CCNK: variants seen among roughly 807,000 people sequenced by gnomAD.
CCNK encodes the protein cyclin K.
CCNK carries 9 observed loss-of-function variants against 65.0 expected under a neutral mutation model. That is an observed-to-expected ratio of 0.14 (90% CI 0.08 to 0.24). The LOEUF is 0.24. CCNK is among the 10% of genes least tolerant of loss of function. CCNK has a pLI of 1.00. For synonymous variants in CCNK, 279 were observed against 270.8 expected, an observed-to-expected ratio of 1.03 and a Z score of -0.30; for missense variants, 474 against 720.0, an observed-to-expected ratio of 0.66 and a Z score of 3.91.
chr14:99,503,258 T>C (rs1896885521), intron 8 of CCNK: 4 of 639,890 alleles, frequency 6.3e-6, no homozygotes, highest in Non-Finnish European at 1.1e-5. Context: ...TCGGTGTCGT[T>C]GCCGTGTCCT....
At chr14:99,481,763 C>G (rs1024359178) in intron 1 of CCNK, 1 of 354,874 alleles carries the variant, frequency 2.8e-6, no homozygotes. Context: ...GGGGAACTTT[C>G]TAGGGGTTGG....
intron 9 of CCNK, chr14:99,506,288 T>G (rs1034399286): frequency 6.6e-6 from 1 of 152,232 alleles, no homozygotes; most frequent in Non-Finnish European, 1.5e-5. Flanking sequence ...AGAAAGTACA[T>G]TTCAGGAAGA....
intron 1 of CCNK, among the ~76,000 whole-genome samples, chr14:99,486,635 CTT>C (rs1210174168): frequency 2.0e-5 from 3 of 152,190 alleles, no homozygotes; most frequent in South Asian, 2.1e-4. Flanking sequence ...AGCTTTTTCT[CTT>C]GTCTTATCCA....
In CCNK at chr14:99,510,313, C is replaced by A; in HGVS notation, c.1274C>A (p.Pro425His). ...PLPHRPPPPP[P>H]SSYMTGMSTT... ...CCACACCGGCCCCCGCCCCCACCCC[C>A]CTCCAGCTACATGACCGGGATGTCC... Residue 425 changes from proline to histidine, a missense_variant, in exon 11 of 11, where the codon CCC (proline) becomes CAC (histidine). By Grantham distance (77) the Pro-to-His change is moderately conservative. Transcript: ENST00000389879. The A allele has an allele frequency of 6.4e-7, 1 of 1,567,644 alleles. No homozygotes were observed. Among genetic ancestry groups the A allele is most frequent in the Non-Finnish European group, 8.7e-7 (1 of 1,147,452 alleles).
chr14:99,485,506 CTG>C (rs1256967175), intron 1 of CCNK, among the ~76,000 whole-genome samples: 1 of 152,192 alleles, frequency 6.6e-6, no homozygotes. Context: ...AACTTTCTTG[CTG>C]TGCTTTTTAT....
intron 1 of CCNK, among the ~76,000 whole-genome samples, chr14:99,491,748 A>G (rs1299559584): frequency 6.6e-6 from 1 of 152,204 alleles, no homozygotes. Context: ...GCCCTGGCCC[A>G]GAACCTGGCC....
chr14:99,503,140 A>C (rs1896881295), intron 8 of CCNK, 156 bp downstream of exon 8: 1 of 865,370 alleles, frequency 1.2e-6, no homozygotes, highest in East Asian at 2.5e-5. Context: ...GGGGAGCCTG[A>C]AAACAAAGGT....
chr14:99,503,195 G>C, intron 8 of CCNK: 1 of 706,998 alleles, frequency 1.4e-6, no homozygotes, highest in Admixed American at 2.0e-5. Flanking sequence ...GGGGCTCTCT[G>C]CCCGGCTCCA....
In CCNK at chr14:99,486,785, C is replaced by T. The variant is rs1171169464; in HGVS notation, c.-53+5306C>T. On this transcript the variant is annotated intron_variant, in intron 1 of 10. Transcript: ENST00000389879. ...GTGGAGACAGGTGTATTAGGCATTA[C>T]TTGAACTGCTACTATAATCTCCTAA... 2.0e-5 allele frequency among the ~76,000 whole-genome samples: 3 copies of T among 152,214 alleles called. No individual in the cohort carries two copies. In the East Asian group the frequency reaches 5.8e-4, roughly 29 times the overall value.
At position 99,492,887 on chromosome 14, in the gene CCNK, T is replaced by G. The variant is rs375490739; in HGVS notation, c.197+13T>G. On this transcript the variant is annotated intron_variant, in intron 2 of 10. Transcript: ENST00000389879. Reference sequence around the variant, plus strand: ...CACGTTTGGGGCTGTATCCTGACTCTCCTTGGAATCTGTTACAGATAGGCT... The same window carrying G: ...CACGTTTGGGGCTGTATCCTGACTCGCCTTGGAATCTGTTACAGATAGGCT... 42 of 1,565,284 alleles carry G rather than the reference T, an allele frequency of 2.7e-5. No homozygotes were observed. In the East Asian group the frequency reaches 6.2e-4, roughly 23 times the overall value.
At chr14:99,495,365 G>T in intron 3 of CCNK, 133 bp from the exon 4 acceptor site, 1 of 626,390 alleles carries the variant, frequency 1.6e-6, no homozygotes, top group Middle Eastern at 4.7e-4. Context: ...TAGAGTATCG[G>T]AGTATTTGTG....
intron 5 of CCNK, 173 bp downstream of exon 5, chr14:99,501,044 T>TAA (rs1566750823): frequency 4.9e-6 from 3 of 613,252 alleles, no homozygotes; most frequent in African/African-American, 1.9e-5. Context: ...TGTTTCCTTT[T>TAA]ATGTATAAAC....
chr14:99,492,664 G>A lies in CCNK; in HGVS notation c.-14G>A. On this transcript the variant is annotated 5_prime_UTR_variant, in exon 2 of 11. Coordinates refer to ENST00000389879, the MANE Select transcript of CCNK (RefSeq NM_001099402.2). Reference sequence around the variant, plus strand: ...TCAGAGAACCTTTTGGAAAGAACAAGCCTACTTCAATAAATGAAGGAGAAT... The same window carrying A: ...TCAGAGAACCTTTTGGAAAGAACAAACCTACTTCAATAAATGAAGGAGAAT... The A allele has an allele frequency of 2.5e-6, 4 of 1,592,246 alleles. No homozygotes were observed. The highest frequency in any genetic ancestry group is 3.4e-6 in the Non-Finnish European group (4 of 1,172,512).
chr14:99,507,125 G>A lies in CCNK; in HGVS notation c.1095G>A (p.Leu365=), dbSNP rs945621192. ...AAATTGAGACCACTCATCCACCGTT[G>A]CCTCCAGCCCACCCACCTCCAGGTA... The part of the protein sequence containing the change: ...IPKIETTHPP[L]PPAHPPPDRK... The change falls in exon 10 of 11, where the codon TTG becomes TTA. Residue 365 remains leucine, a synonymous_variant. Transcript: ENST00000389879. The A allele has an allele frequency of 6.2e-7, 1 of 1,610,714 alleles. No individual in the cohort carries two copies. The highest frequency in any genetic ancestry group is 8.5e-7 in the Non-Finnish European group (1 of 1,177,046).
chr14:99,503,323 A>G (rs1345843002), intron 8 of CCNK: 6 of 602,340 alleles, frequency 1.0e-5, no homozygotes, highest in Non-Finnish European at 1.8e-5. Context: ...CAAACAGTGG[A>G]CCGTTTCCTG....
At chr14:99,496,020 G>A (rs978995593) in intron 4 of CCNK, among the ~76,000 whole-genome samples, 3 of 152,114 alleles carry the variant, frequency 2.0e-5, no homozygotes, top group African/African-American at 4.8e-5. Context: ...GCCTACATAT[G>A]CCATGTGTCT....
intron 1 of CCNK, among the ~76,000 whole-genome samples, chr14:99,487,769 GTGTTTACT>G (rs931454554): frequency 5.9e-5 from 9 of 152,234 alleles, no homozygotes; most frequent in Non-Finnish European, 1.0e-4. Context: ...TAACACAGGT[GTGTTTACT>G]TTGTGAAAAA....
At position 99,492,648 on chromosome 14, in the gene CCNK, C is replaced by T; in HGVS notation, c.-30C>T. On this transcript the variant is annotated 5_prime_UTR_variant, in exon 2 of 11. Coordinates refer to ENST00000389879, the MANE Select transcript of CCNK (RefSeq NM_001099402.2). Reference sequence around the variant, plus strand: ...TAGGATTCTAACATTTTCAGAGAACCTTTTGGAAAGAACAAGCCTACTTCA... The same window carrying T: ...TAGGATTCTAACATTTTCAGAGAACTTTTTGGAAAGAACAAGCCTACTTCA... 6.4e-7 allele frequency: 1 copy of T among 1,561,428 alleles called. No homozygotes were observed. The highest frequency in any genetic ancestry group is 2.3e-5 in the East Asian group (1 of 43,708).
Position 99,501,349 on chromosome 14 carries a change from T to A in CCNK, c.518-7T>A. 6.3e-7 allele frequency: 1 copy of A among 1,587,690 alleles called. No homozygotes were observed. Among genetic ancestry groups the A allele is most frequent in the Non-Finnish European group, 8.6e-7 (1 of 1,157,744 alleles). On this transcript the variant is annotated splice_polypyrimidine_tract_variant and splice_region_variant and intron_variant, in intron 5 of 10. Coordinates refer to ENST00000389879, the MANE Select transcript of CCNK (RefSeq NM_001099402.2). ...CTATTAATTTACCTTTTTGTCCCCA[T>A]TTCTAGGTGATAAAAACAAAATTCA...
Sources: gnomAD v4.1 joint callset for allele counts (sites outside exome capture counted in the v4.1 genomes callset) on GRCh38, gnomAD v4.1.1 for gene constraint, MANE v1.5 for transcripts, NCBI Gene and HGNC (gene_info 2026-07-23, HGNC 2026-07-21) for gene names.